RNF32: variants seen among roughly 807,000 people sequenced by gnomAD.
RNF32 encodes ring finger protein 32.
In RNF32, 36 loss-of-function variants were observed where a neutral mutation model predicts 41.0. The observed-to-expected ratio is 0.88, with a 90% CI of 0.67 to 1.16. The LOEUF (loss-of-function observed/expected upper bound fraction) is 1.16, where lower values mean the gene tolerates loss of function less well. Among genes scored for constraint, RNF32 ranks in the 50% most tolerant of loss-of-function variants. RNF32 has a pLI of 0.00. For synonymous variants in RNF32, 154 were observed against 160.9 expected, an observed-to-expected ratio of 0.96 and a Z score of 0.32; for missense variants, 413 against 436.7, an observed-to-expected ratio of 0.95 and a Z score of 0.48.
chr7:156,655,792 A>G (rs1375190109), intron 4 of RNF32, among the ~76,000 whole-genome samples: 1 of 152,252 alleles, frequency 6.6e-6, no homozygotes, highest in African/African-American at 2.4e-5. Flanking sequence ...ATAATTTAGT[A>G]ATTTAATGTA....
chr7:156,658,729 A>G, intron 7 of RNF32, 159 bp downstream of exon 7: 1 of 769,254 alleles, frequency 1.3e-6, no homozygotes, highest in Non-Finnish European at 2.1e-6. Flanking sequence ...GTTTAACTTT[A>G]GTTGGCTTTC....
intron 4 of RNF32, among the ~76,000 whole-genome samples, chr7:156,655,260 C>T (rs185902312): frequency 2.0e-5 from 3 of 148,770 alleles, no homozygotes; most frequent in African/African-American, 5.1e-5. Flanking sequence ...CACACACACA[C>T]ACAGAGAGAG....
intron 8 of RNF32, 73 bp downstream of exon 8, chr7:156,675,936 G>T (rs964904765): frequency 1.2e-5 from 17 of 1,457,714 alleles, no homozygotes; most frequent in Non-Finnish European, 1.0e-5. Flanking sequence ...GTGGCATGTG[G>T]GGGGAGGTCG....
intron 7 of RNF32, among the ~76,000 whole-genome samples, chr7:156,674,270 G>A (rs1030397554): frequency 1.3e-5 from 2 of 152,282 alleles, no homozygotes; most frequent in Non-Finnish European, 2.9e-5. Context: ...CCCCGGGCCT[G>A]GAGAACACCC....
Position 156,670,206 on chromosome 7 carries a change from A to AGG in RNF32, c.685-5488_685-5487dup, listed in dbSNP as rs1802170146. On this transcript the variant is annotated intron_variant, in intron 7 of 8. Coordinates refer to ENST00000317955, the MANE Select transcript of RNF32 (RefSeq NM_030936.4). The surrounding 1 kb of genome is among the most constrained non-coding windows in gnomAD (Gnocchi z 4.3). ...ACACAATTCGTATTTCCCACCCACT[A>AGG]GGGCACACACATTTCCTTCTTTGCA... Among the ~76,000 whole-genome samples, 1 of 152,226 alleles carries AGG rather than the reference A, an allele frequency of 6.6e-6. No homozygotes were observed. Among genetic ancestry groups the AGG allele is most frequent in the African/African-American group, 2.4e-5 (1 of 41,472 alleles).
chr7:156,646,319 A>G, intron 3 of RNF32: 1 of 864,590 alleles, frequency 1.2e-6, no homozygotes, highest in Non-Finnish European at 1.6e-6. Flanking sequence ...TCTACAGAAG[A>G]ATCCTAACTT....
chr7:156,657,240 C>T (rs1455605050), intron 4 of RNF32, among the ~76,000 whole-genome samples: 3 of 152,124 alleles, frequency 2.0e-5, no homozygotes, highest in Admixed American at 6.5e-5. Flanking sequence ...CAGTCACTGC[C>T]CGCATCTAAG....
At chr7:156,657,322 T>C in intron 4 of RNF32, 1 of 564,044 alleles carries the variant, frequency 1.8e-6, no homozygotes, top group South Asian at 2.3e-5. Context: ...TCAAACTTCA[T>C]GTGTTTATTT....
chr7:156,640,780 C>A lies in RNF32; in HGVS notation c.-109C>A. ...TGCCTGAGGGAAAAGGGGCAGACGT[C>A]CCTGGGTTCCGGTGTTCGCGGAGGA... is the stretch of plus-strand genomic sequence containing the variant. On this transcript the variant is annotated 5_prime_UTR_variant, in exon 1 of 9. Coordinates refer to ENST00000317955, the MANE Select transcript of RNF32 (RefSeq NM_030936.4). The A allele has an allele frequency of 4.0e-6, 1 of 249,604 alleles. No individual in the cohort carries two copies. Among genetic ancestry groups the A allele is most frequent in the Non-Finnish European group, 8.0e-6 (1 of 125,556 alleles). The allele number at this position is 249,604 out of a possible 1,614,324, so 15.5% of individuals were successfully genotyped here.
Position 156,676,669 on chromosome 7 carries a change from G to A in RNF32, c.*14G>A, listed in dbSNP as rs1804118696. 1 of 1,601,490 alleles carries A rather than the reference G, an allele frequency of 6.2e-7. No homozygotes were observed. Among genetic ancestry groups the A allele is most frequent in the Non-Finnish European group, 8.6e-7 (1 of 1,169,356 alleles). On this transcript the variant is annotated 3_prime_UTR_variant, in exon 9 of 9. Transcript: ENST00000317955. The stretch of plus-strand genomic sequence containing the variant: ...CTTGAATGTTGAATTCATAGTCAAG[G>A]AAAGTTAGGTAATTCTGAGGAAAAA...
chr7:156,648,638 A>G (rs761387351), intron 3 of RNF32, among the ~76,000 whole-genome samples: 12 of 152,328 alleles, frequency 7.9e-5, no homozygotes, highest in Middle Eastern at 6.8e-3. Context: ...TTAGTTACTA[A>G]TGACATTGAA....
rs778022446 is a variant in RNF32 at position 156,654,649 on chromosome 7, C to T, written c.348C>T (p.Arg116=). The change falls in exon 4 of 9, where the codon CGC becomes CGT. Residue 116 remains arginine, a synonymous_variant. Transcript: ENST00000317955. The stretch of plus-strand genomic sequence containing the variant: ...ATGAATGGGAGAAGGTGAAACAGCG[C>T]TCTCTCCTGCAAGGGGACTCCGTGC... ...SSDEWEKVKQ[R]SLLQGDSVQP... is the part of the protein sequence containing the mutation. 5 of 1,613,974 alleles carry T rather than the reference C, an allele frequency of 3.1e-6. No homozygotes were observed. In the African/African-American group the frequency reaches 4.0e-5, roughly 13 times the overall value.
In RNF32 at chr7:156,676,511, A is replaced by G. The variant is rs1160146363; in HGVS notation, c.945A>G (p.Arg315=). ...GQRVGAGRRS[R]EMALLSCSHV... is the part of the protein sequence containing the mutation. ...GCGTGGGTGCAGGCAGGCGTTCCAG[A>G]GAGATGGCCCTCCTGTCCTGCTCAC... Residue 315 remains arginine, a synonymous_variant, in exon 9 of 9, where the codon AGA becomes AGG. Transcript: ENST00000317955. The G allele has an allele frequency of 6.2e-7, 1 of 1,613,828 alleles. No individual in the cohort carries two copies. Among genetic ancestry groups the G allele is most frequent in the African/African-American group, 1.3e-5 (1 of 74,888 alleles).
At chr7:156,672,391 TGCCACAGTGACTGAGG>T (rs765099668) in intron 7 of RNF32, among the ~76,000 whole-genome samples, 18 of 152,176 alleles carry the variant, frequency 1.2e-4, no homozygotes, top group Non-Finnish European at 1.9e-4. Flanking sequence ...AGGACCTGTA[TGCCACAGTGACTGAGG>T]CAGAAGGAGG....
Position 156,658,900 on chromosome 7 carries a change from C to T in RNF32, c.684+330C>T, listed in dbSNP as rs1178015158. On this transcript the variant is annotated intron_variant, in intron 7 of 8. Coordinates refer to ENST00000317955, the MANE Select transcript of RNF32 (RefSeq NM_030936.4). Reference sequence around the variant, plus strand: ...AAACCAGCTTAATTTTTCCCATCTCCTGGGCTATATGTAAATGAAGACATC... The same window carrying T: ...AAACCAGCTTAATTTTTCCCATCTCTTGGGCTATATGTAAATGAAGACATC... 8 of 1,548,894 alleles carry T rather than the reference C, an allele frequency of 5.2e-6. No individual in the cohort carries two copies. The South Asian group carries it at 8.4e-5, about 16-fold the overall frequency.
At chr7:156,650,678 G>A (rs140401994) in intron 3 of RNF32, among the ~76,000 whole-genome samples, 227 of 152,312 alleles carry the variant, frequency 1.5e-3, no homozygotes, top group African/African-American at 5.1e-3. Context: ...AGCAGAGTCT[G>A]GATTGTACAG....
intron 7 of RNF32, chr7:156,660,109 C>T (rs1342296644): frequency 3.0e-6 from 3 of 985,706 alleles, no homozygotes; most frequent in Admixed American, 6.1e-5. Flanking sequence ...CGTCCTGAGC[C>T]CTCATCGCTC....
At chr7:156,664,654 T>A (rs555259860) in intron 7 of RNF32, among the ~76,000 whole-genome samples, 1 of 152,280 alleles carries the variant, frequency 6.6e-6, no homozygotes, top group African/African-American at 2.4e-5. Flanking sequence ...AATCAATGAG[T>A]AGAATATTTT....
At chr7:156,645,210 G>A (rs189573292) in intron 3 of RNF32, among the ~76,000 whole-genome samples, 61 of 152,288 alleles carry the variant, frequency 4.0e-4, no homozygotes, top group African/African-American at 1.5e-3. Flanking sequence ...CTCCAGAGAT[G>A]CAAGTACATG....
Sources: gnomAD v4.1 joint callset for allele counts (sites outside exome capture counted in the v4.1 genomes callset) on GRCh38, gnomAD v4.1.1 for gene constraint, Gnocchi (gnomAD v3.1) non-coding constraint, MANE v1.5 for transcripts, NCBI Gene and HGNC (gene_info 2026-07-23, HGNC 2026-07-21) for gene names.